MGRN1: variants seen among roughly 807,000 people sequenced by gnomAD.
MGRN1 encodes the protein mahogunin ring finger 1.
In MGRN1, 29 loss-of-function variants were observed where a neutral mutation model predicts 69.2. The observed-to-expected ratio is 0.42, with a 90% CI of 0.31 to 0.57. The LOEUF (loss-of-function observed/expected upper bound fraction) is 0.57, where lower values mean the gene tolerates loss of function less well. MGRN1 is among the 20% of genes least tolerant of loss of function. The probability of loss-of-function intolerance (pLI) is 0.15; values close to 1 mark genes in which losing one functional copy is unlikely to be tolerated. For missense variants in MGRN1, 998 were observed against 796.2 expected, an observed-to-expected ratio of 1.25 and a Z score of -3.05; for synonymous variants, 470 against 344.2, an observed-to-expected ratio of 1.37 and a Z score of -4.04.
chr16:4,647,681 T>A (rs1252342657), intron 1 of MGRN1, among the ~76,000 whole-genome samples: 2 of 152,238 alleles, frequency 1.3e-5, no homozygotes, highest in African/African-American at 4.8e-5. Flanking sequence ...ACTCTGTGAC[T>A]CGCTCCACAT....
At chr16:4,677,089 A>C (rs1408987711) in intron 10 of MGRN1, 1 of 174,798 alleles carries the variant, frequency 5.7e-6, no homozygotes, top group East Asian at 1.5e-4. Context: ...TTTGGGGGTC[A>C]TGGCCACCAG....
At chr16:4,680,118 C>G (rs769077871) in intron 12 of MGRN1, 21 bp downstream of exon 12, 23 of 1,612,410 alleles carry the variant, frequency 1.4e-5, no homozygotes, top group African/African-American at 6.7e-5. Context: ...GGTCCTCCGG[C>G]TACGTTTTTT....
At chr16:4,679,993 G>T in intron 11 of MGRN1, 39 bp from the exon 12 acceptor site, 1 of 1,598,736 alleles carries the variant, frequency 6.3e-7, no homozygotes. Context: ...GGCCGCGTGG[G>T]GGTGGTAGTT....
At chr16:4,648,479 C>T (rs2078325366) in intron 1 of MGRN1, among the ~76,000 whole-genome samples, 1 of 119,446 alleles carries the variant, frequency 8.4e-6, no homozygotes, top group African/African-American at 4.2e-5. Context: ...CCTGGCTCCT[C>T]CTCCCGGGGG....
chr16:4,629,154 G>T (rs58757756), intron 1 of MGRN1, among the ~76,000 whole-genome samples: 1,215 of 84,038 alleles, frequency 0.014, 23 homozygotes, highest in African/African-American at 0.078. Flanking sequence ...GTTCGTATGT[G>T]TGTGTGTGTG....
At chr16:4,684,417 A>G (rs2079260871) in intron 16 of MGRN1, among the ~76,000 whole-genome samples, 1 of 152,144 alleles carries the variant, frequency 6.6e-6, no homozygotes. Flanking sequence ...CAGGTACCAC[A>G]CGCTGTGCTG....
At chr16:4,687,431 G>C in intron 16 of MGRN1, 1 of 908,856 alleles carries the variant, frequency 1.1e-6, no homozygotes, top group Non-Finnish European at 1.3e-6. Flanking sequence ...TGTGGTCCCA[G>C]CTACTCAGGG....
chr16:4,671,227 G>A (rs987586297), intron 8 of MGRN1, 164 bp from the exon 9 acceptor site: 1 of 638,966 alleles, frequency 1.6e-6, no homozygotes, highest in Admixed American at 2.7e-5. Context: ...GTGGGGGCAA[G>A]CAGCAGGTTT....
chr16:4,685,650 G>A (rs1484178731), intron 16 of MGRN1, among the ~76,000 whole-genome samples: 1 of 152,278 alleles, frequency 6.6e-6, no homozygotes, highest in Non-Finnish European at 1.5e-5. Flanking sequence ...CTCCGTGGCT[G>A]TCAGCCTTGT....
At chr16:4,632,326 A>G (rs1003179523) in intron 1 of MGRN1, among the ~76,000 whole-genome samples, 1 of 151,534 alleles carries the variant, frequency 6.6e-6, no homozygotes, top group Non-Finnish European at 1.5e-5. Flanking sequence ...TCTTAATAAC[A>G]GTTTTGTTGA....
At position 4,688,789 on chromosome 16, in the gene MGRN1, C is replaced by G; in HGVS notation, c.1619-7C>G. Reference sequence around the variant, plus strand: ...TGTGACCCTCCTCCCTCTGCTCCCACCTGCAGGACGGCCCACCTCCATGGA... The same window carrying G: ...TGTGACCCTCCTCCCTCTGCTCCCAGCTGCAGGACGGCCCACCTCCATGGA... On this transcript the variant is annotated splice_polypyrimidine_tract_variant and splice_region_variant and intron_variant, in intron 16 of 16. Transcript: ENST00000262370. The G allele has an allele frequency of 1.9e-6, 3 of 1,540,360 alleles. No homozygotes were observed. The highest frequency in any genetic ancestry group is 2.6e-6 in the Non-Finnish European group (3 of 1,138,758).
chr16:4,660,537 C>T (rs573642237), intron 5 of MGRN1, among the ~76,000 whole-genome samples: 3 of 152,358 alleles, frequency 2.0e-5, no homozygotes, highest in South Asian at 2.1e-4. Flanking sequence ...GAGCGGCCCA[C>T]GCCAGTGCTG....
intron 1 of MGRN1, among the ~76,000 whole-genome samples, chr16:4,635,968 G>GTT (rs35561356): frequency 0.047 from 6,584 of 141,360 alleles, 500 homozygotes; most frequent in African/African-American, 0.16. Context: ...TGTATTTTCT[G>GTT]TTTTTTTTTT....
At chr16:4,668,961 C>G (rs2078876584) in intron 8 of MGRN1, among the ~76,000 whole-genome samples, 1 of 152,094 alleles carries the variant, frequency 6.6e-6, no homozygotes, top group Non-Finnish European at 1.5e-5. Context: ...CATAGACACA[C>G]TCATACAATC....
chr16:4,688,872 C>A lies in MGRN1; in HGVS notation c.1695C>A (p.Ser565Arg). The A allele has an allele frequency of 4.5e-6, 7 of 1,553,742 alleles. No individual in the cohort carries two copies. The highest frequency in any genetic ancestry group is 5.2e-6 in the Non-Finnish European group (6 of 1,148,216). Residue 565 changes from serine to arginine, a missense_variant, in exon 17 of 17, where the codon AGC becomes AGA. Transcript: ENST00000262370. ...CCTGGCCTCCACTTGGTGGCCCCAG[C>A]CCCGATCCCAGCGCCGCCGAGCTGA... ...SPTWPPLGGP[S>R]PDPSAAELTP... is the part of the protein sequence containing the mutation.
chr16:4,653,380 G>T (rs1037078314), intron 4 of MGRN1, among the ~76,000 whole-genome samples: 37 of 152,200 alleles, frequency 2.4e-4, no homozygotes, highest in African/African-American at 8.9e-4. Flanking sequence ...GCCTTTTCTG[G>T]AGGCTTCATC....
In MGRN1 at chr16:4,681,623, C is replaced by G; in HGVS notation, c.1205C>G (p.Ser402Cys). Residue 402 changes from serine to cysteine, a missense_variant, in exon 13 of 17, where the codon TCC becomes TGC. By Grantham distance (112) the Ser-to-Cys change is moderately radical. Coordinates refer to ENST00000262370, the MANE Select transcript of MGRN1 (RefSeq NM_015246.4). ...GCGCTCAACGGCCTCCGGGCTGTCT[C>G]CCCGGCCATCCCCTCGGCCCCTCTT... ...LEALNGLRAV[S>C]PAIPSAPLYE... is the part of the protein sequence containing the mutation. The G allele has an allele frequency of 1.2e-6, 2 of 1,613,516 alleles. No homozygotes were observed. The highest frequency in any genetic ancestry group is 1.1e-5 in the South Asian group (1 of 91,088).
At chr16:4,669,935 G>A (rs2078901240) in intron 8 of MGRN1, among the ~76,000 whole-genome samples, 1 of 151,660 alleles carries the variant, frequency 6.6e-6, no homozygotes, top group African/African-American at 2.4e-5. Context: ...CTAATGAGAT[G>A]TCCTAGGCCA....
At chr16:4,677,316 GAAA>G (rs199899105) in intron 10 of MGRN1, 144 bp from the exon 11 acceptor site, 84 of 429,830 alleles carry the variant, frequency 2.0e-4, no homozygotes, top group Non-Finnish European at 3.2e-4. Flanking sequence ...AAAACTAAAA[GAAA>G]AAAAAAAGAC....
Sources: allele counts gnomAD v4.1 joint callset (sites outside exome capture counted in the v4.1 genomes callset), GRCh38; gene constraint gnomAD v4.1.1; transcripts MANE v1.5; gene names NCBI Gene and HGNC (gene_info 2026-07-23, HGNC 2026-07-21).